The following HTT variants were observed in gnomAD, a reference collection of about 807,000 sequenced individuals.
The protein encoded by HTT is huntington disease protein.
Under a neutral mutation model 362.3 loss-of-function variants are expected in HTT, and 104 were observed. That is an observed-to-expected ratio of 0.29 (90% CI 0.24 to 0.34). The LOEUF (loss-of-function observed/expected upper bound fraction) is 0.34, where lower values mean the gene tolerates loss of function less well. Among genes scored for constraint, HTT ranks in the 10% least tolerant of loss-of-function variants. The pLI is 1.00. For synonymous variants in HTT, 1,577 were observed against 1,548.7 expected (o/e 1.02, Z -0.43); for missense variants, 3,301 against 3,928.6 (o/e 0.84, Z 4.27).
At chr4:3,140,458 C>T (rs1390407751) in intron 21 of HTT, 52 bp from the exon 22 acceptor site, 2 of 1,563,266 alleles carry the variant, frequency 1.3e-6, no homozygotes, top group African/African-American at 1.4e-5. Flanking sequence ...TGGTCTATCA[C>T]AGGTGAGTTT....
rs1413120624 is a variant in HTT, at chr4:3,241,245, TC to T, written c.*1189del. 6.6e-6 allele frequency: 1 copy of T among 152,458 alleles called. No homozygotes were observed. Among genetic ancestry groups the T allele is most frequent in the East Asian group, 1.9e-4 (1 of 5,210 alleles). 9.4% of individuals were successfully genotyped at this position (152,458 alleles called of 1,614,324 possible). A position where few individuals can be genotyped will look rare whatever the true frequency, so the allele number is the denominator to read the frequency against. On this transcript the variant is annotated 3_prime_UTR_variant, in exon 67 of 67. Transcript: ENST00000355072. The stretch of plus-strand genomic sequence containing the variant: ...GCACTGTTAGTGACAGAGCCCAGCA[TC>T]CCTTCTGCCCCCGTTCCAGCTGACA...
chr4:3,223,231 C>T (rs1720758562), intron 54 of HTT, among the ~76,000 whole-genome samples, 175 bp from the exon 55 acceptor site: 2 of 152,228 alleles, frequency 1.3e-5, no homozygotes, highest in Admixed American at 1.3e-4. Flanking sequence ...TGTTTCAGGG[C>T]CCGTGTGTGC....
intron 51 of HTT, among the ~76,000 whole-genome samples, chr4:3,215,413 C>T (rs527416345): frequency 5.3e-5 from 8 of 152,256 alleles, no homozygotes; most frequent in South Asian, 4.1e-4. Context: ...ACACCTTATC[C>T]GTACACATGC....
At chr4:3,176,735 A>G (rs363136) in intron 33 of HTT, among the ~76,000 whole-genome samples, 2 of 152,252 alleles carry the variant, frequency 1.3e-5, no homozygotes, top group Non-Finnish European at 2.9e-5. Context: ...ATAGAACACT[A>G]GAACAGACAA....
At chr4:3,144,204 C>T (rs930247937) in intron 23 of HTT, among the ~76,000 whole-genome samples, 1 of 151,948 alleles carries the variant, frequency 6.6e-6, no homozygotes, top group Non-Finnish European at 1.5e-5. Context: ...TTTTTTTCTT[C>T]TTTATATTTT....
intron 60 of HTT, 87 bp downstream of exon 60, chr4:3,230,129 G>C (rs1396048434): frequency 1.0e-5 from 12 of 1,177,300 alleles, no homozygotes; most frequent in Non-Finnish European, 1.4e-5. Context: ...GAGGTGCCGG[G>C]TGCGGCTGCC....
chr4:3,104,002 G>A (rs1300343796), intron 4 of HTT, 119 bp downstream of exon 4: 2 of 634,518 alleles, frequency 3.2e-6, no homozygotes, highest in Non-Finnish European at 2.8e-6. Flanking sequence ...TTTTGATACA[G>A]GTATACAATA....
chr4:3,218,084 A>C lies in HTT; in HGVS notation c.7242+132A>C. 1 of 744,696 alleles carries C rather than the reference A, an allele frequency of 1.3e-6. No individual in the cohort carries two copies. The highest frequency in any genetic ancestry group is 2.1e-6 in the Non-Finnish European group (1 of 475,952). 46.1% of individuals were successfully genotyped at this position (744,696 alleles called of 1,614,324 possible). A position where few individuals can be genotyped will look rare whatever the true frequency, so the allele number is the denominator to read the frequency against. The stretch of plus-strand genomic sequence containing the variant: ...GCTGCCTGCTGTGGTTCTGGTGCCC[A>C]CTGTGGTTCTGGTGCCAGGCTGCTT... On this transcript the variant is annotated intron_variant, in intron 52 of 66. Transcript: ENST00000355072. This position sits in a 1 kb window ranked among gnomAD's most constrained non-coding sequence, Gnocchi z 4.4.
Position 3,187,769 on chromosome 4 carries a change from C to A in HTT, c.5108C>A (p.Pro1703Gln). 1.9e-6 allele frequency: 3 copies of A among 1,612,126 alleles called. No homozygotes were observed. Among genetic ancestry groups the A allele is most frequent in the Non-Finnish European group, 2.5e-6 (3 of 1,178,202 alleles). ...CGTATTCAGGAGCTCTCCTTCTCTC[C>A]GTATTTAATCTCCTGTACAGTAATT... ...LSRIQELSFS[P>Q]YLISCTVINR... The change falls in exon 39 of 67, where the codon CCG becomes CAG. Residue 1703 changes from proline to glutamine, a missense_variant. This residue lies in a region of HTT where 2,316 missense variants were observed against 2,658.5 expected (regional missense o/e 0.87). Transcript: ENST00000355072.
At chr4:3,216,481 A>G (rs1489474095) in intron 51 of HTT, among the ~76,000 whole-genome samples, 1 of 152,228 alleles carries the variant, frequency 6.6e-6, no homozygotes, top group Non-Finnish European at 1.5e-5. Context: ...CATGTAAAGC[A>G]CCTGGAACGG....
intron 6 of HTT, among the ~76,000 whole-genome samples, chr4:3,114,720 A>T (rs372032744): frequency 6.6e-6 from 1 of 152,244 alleles, no homozygotes; most frequent in South Asian, 2.1e-4. Context: ...TATTTTTATC[A>T]AGATTTAAAT....
chr4:3,156,588 G>A (rs1249565270), intron 27 of HTT, among the ~76,000 whole-genome samples: 1 of 152,220 alleles, frequency 6.6e-6, no homozygotes, highest in African/African-American at 2.4e-5. Flanking sequence ...TCTTCAAACT[G>A]AAGTAGAATA....
chr4:3,096,704 T>C (rs2110152822), intron 2 of HTT, among the ~76,000 whole-genome samples: 1 of 152,356 alleles, frequency 6.6e-6, no homozygotes, highest in African/African-American at 2.4e-5. Flanking sequence ...GGGGTGCTGT[T>C]ACAGCATAGT....
chr4:3,110,255 C>T (rs999113982), intron 6 of HTT, among the ~76,000 whole-genome samples: 6 of 152,152 alleles, frequency 3.9e-5, no homozygotes, highest in South Asian at 2.1e-4. Context: ...ACCTCTATAT[C>T]GCTTGCTTAT....
intron 30 of HTT, 36 bp from the exon 31 acceptor site, chr4:3,172,872 C>T (rs368229355): frequency 7.3e-5 from 101 of 1,392,368 alleles, no homozygotes; most frequent in Non-Finnish European, 9.2e-5. Flanking sequence ...GTGTTGTTCA[C>T]GCCACATTGT....
chr4:3,146,585 C>A (rs1196189379), intron 24 of HTT, among the ~76,000 whole-genome samples: 1 of 152,232 alleles, frequency 6.6e-6, no homozygotes, highest in Non-Finnish European at 1.5e-5. Flanking sequence ...CCAATACTTT[C>A]ATTCAGATCT....
chr4:3,080,450 C>G (rs1712834281), intron 1 of HTT, among the ~76,000 whole-genome samples: 1 of 152,040 alleles, frequency 6.6e-6, no homozygotes, highest in Non-Finnish European at 1.5e-5. Flanking sequence ...CATTTTTTCC[C>G]TTTGTATTTT....
At position 3,218,439 on chromosome 4, in the gene HTT, C is replaced by T. The variant is rs1720515736; in HGVS notation, c.7242+487C>T. ...CTTGAGGTCAGGATTTCGAGACCAGCCTGGCCAACATGGTGAAACCCCATC... is the reference window on the plus strand; with the variant it reads ...CTTGAGGTCAGGATTTCGAGACCAGTCTGGCCAACATGGTGAAACCCCATC... On this transcript the variant is annotated intron_variant, in intron 52 of 66. Coordinates refer to ENST00000355072, the MANE Select transcript of HTT (RefSeq NM_001388492.1). This position sits in a 1 kb window ranked among gnomAD's most constrained non-coding sequence, Gnocchi z 4.4. Among the ~76,000 whole-genome samples the T allele has an allele frequency of 6.6e-6, 1 of 152,078 alleles. No homozygotes were observed. Among genetic ancestry groups the T allele is most frequent in the South Asian group, 2.1e-4 (1 of 4,816 alleles).
chr4:3,173,211 C>T (rs914753531), intron 31 of HTT, 80 bp downstream of exon 31: 67 of 1,156,226 alleles, frequency 5.8e-5, no homozygotes, highest in Admixed American at 3.6e-4. Flanking sequence ...AGAATAAAAA[C>T]GAAAAATGTT....
Sources: gnomAD v4.1 joint callset for allele counts (sites outside exome capture counted in the v4.1 genomes callset) on GRCh38, gnomAD v4.1.1 for gene constraint, gnomAD v4.1.1 regional missense constraint, Gnocchi (gnomAD v3.1) non-coding constraint, MANE v1.5 for transcripts, NCBI Gene and HGNC (gene_info 2026-07-23, HGNC 2026-07-21) for gene names.